Variants in CHD9 observed in about 807,000 individuals in gnomAD.
The protein encoded by CHD9 is ATP-dependent chromatin remodeler CHD9.
In CHD9, 77 loss-of-function variants were observed where a neutral mutation model predicts 316.1. That is an observed-to-expected ratio of 0.24 (90% CI 0.20 to 0.29). The LOEUF (loss-of-function observed/expected upper bound fraction) is 0.29. Ranked by LOEUF, CHD9 falls within the 10% of genes least tolerant of loss-of-function variation. The pLI, the probability that CHD9 is intolerant of heterozygous loss-of-function variation, is 1.00. For missense variants in CHD9, 2,763 were observed against 3,438.1 expected, an observed-to-expected ratio of 0.80 and a Z score of 4.91; for synonymous variants, 1,129 against 1,158.3, an observed-to-expected ratio of 0.97 and a Z score of 0.51.
At chr16:53,164,883 G>C (rs1244258381) in intron 2 of CHD9, among the ~76,000 whole-genome samples, 2 of 152,076 alleles carry the variant, frequency 1.3e-5, no homozygotes, top group African/African-American at 4.8e-5. Flanking sequence ...TCGAACTTCT[G>C]ACCTCAAGTG....
intron 1 of CHD9, among the ~76,000 whole-genome samples, chr16:53,112,199 C>A (rs2037919585): frequency 1.3e-5 from 2 of 152,204 alleles, no homozygotes; most frequent in African/African-American, 4.8e-5. Flanking sequence ...CTCTTATCTA[C>A]TGAAGATTCC....
intron 1 of CHD9, among the ~76,000 whole-genome samples, chr16:53,055,563 G>T (rs1480233911): frequency 6.7e-6 from 1 of 148,806 alleles, no homozygotes; most frequent in African/African-American, 2.4e-5. Context: ...TAAAATGTTT[G>T]CAAGAGATTC....
chr16:53,126,693 T>A (rs1776541812), intron 1 of CHD9, among the ~76,000 whole-genome samples: 1 of 151,926 alleles, frequency 6.6e-6, no homozygotes, highest in Non-Finnish European at 1.5e-5. Context: ...TTCCTTTTCT[T>A]TCTCTGATGG....
At chr16:53,300,544 A>C (rs1037528567) in intron 30 of CHD9, among the ~76,000 whole-genome samples, 12 of 152,202 alleles carry the variant, frequency 7.9e-5, no homozygotes, top group Admixed American at 6.5e-4. Flanking sequence ...TCAGGCTAGA[A>C]GGTGGCATGG....
At chr16:53,250,691 T>C (rs1018751537) in intron 17 of CHD9, 2 of 152,120 alleles carry the variant, frequency 1.3e-5, no homozygotes, top group Non-Finnish European at 1.5e-5. Context: ...CATAGAAATA[T>C]AGGAATATTA....
intron 1 of CHD9, among the ~76,000 whole-genome samples, chr16:53,097,982 T>C (rs532535633): frequency 6.6e-6 from 1 of 150,960 alleles, no homozygotes; most frequent in Non-Finnish European, 1.5e-5. Flanking sequence ...TAGCCAGGTG[T>C]GGTGGCAGGT....
chr16:53,185,971 G>C (rs1454531013), intron 2 of CHD9, among the ~76,000 whole-genome samples: 1 of 152,242 alleles, frequency 6.6e-6, no homozygotes, highest in Non-Finnish European at 1.5e-5. Flanking sequence ...AGCCCTCATG[G>C]AGAACCTCTG....
chr16:53,138,199 T>A (rs193054532), intron 1 of CHD9, among the ~76,000 whole-genome samples: 78 of 152,336 alleles, frequency 5.1e-4, no homozygotes, highest in Admixed American at 1.5e-3. Flanking sequence ...AGAAGGGCAC[T>A]AAGAGGCTAA....
At chr16:53,068,525 C>A (rs548173875) in intron 1 of CHD9, among the ~76,000 whole-genome samples, 1 of 152,296 alleles carries the variant, frequency 6.6e-6, no homozygotes, top group East Asian at 1.9e-4. Context: ...TTCTCTCAAA[C>A]CCACCTTAAG....
intron 2 of CHD9, among the ~76,000 whole-genome samples, chr16:53,202,686 G>C (rs2045566497): frequency 6.6e-6 from 1 of 151,882 alleles, no homozygotes; most frequent in African/African-American, 2.4e-5. Context: ...TCTACTGTTT[G>C]CCTGGACTTT....
intron 1 of CHD9, among the ~76,000 whole-genome samples, chr16:53,124,927 C>T (rs960586237): frequency 1.3e-5 from 2 of 152,168 alleles, no homozygotes; most frequent in Non-Finnish European, 2.9e-5. Flanking sequence ...CCATATCACA[C>T]TTACTATTGT....
chr16:53,283,705 C>T (rs968956889), intron 24 of CHD9, among the ~76,000 whole-genome samples: 3 of 152,002 alleles, frequency 2.0e-5, no homozygotes, highest in Non-Finnish European at 4.4e-5. Flanking sequence ...TCTTTTTTAA[C>T]TTTTTCCATA....
chr16:53,114,589 A>G (rs746359149), intron 1 of CHD9, among the ~76,000 whole-genome samples: 2 of 145,422 alleles, frequency 1.4e-5, no homozygotes, highest in Non-Finnish European at 3.0e-5. Flanking sequence ...TTATTTATTT[A>G]TTTATTTTTA....
chr16:53,121,099 TA>T (rs1388735766), intron 1 of CHD9, among the ~76,000 whole-genome samples: 3 of 152,216 alleles, frequency 2.0e-5, no homozygotes, highest in Non-Finnish European at 4.4e-5. Context: ...TTAATAAATA[TA>T]ATTAATTACT....
intron 20 of CHD9, among the ~76,000 whole-genome samples, chr16:53,266,373 T>A (rs183247864): frequency 1.9e-4 from 29 of 152,282 alleles, no homozygotes; most frequent in Middle Eastern, 3.4e-3. Context: ...CCTTCTCTCC[T>A]ACCATTTGTC....
chr16:53,324,203 G>A lies in CHD9; in HGVS notation c.8002G>A (p.Asp2668Asn). 1 of 1,613,948 alleles carries A rather than the reference G, an allele frequency of 6.2e-7. No individual in the cohort carries two copies. Among genetic ancestry groups the A allele is most frequent in the Non-Finnish European group, 8.5e-7 (1 of 1,179,856 alleles). ...LLANGLLPGV[D>N]LTTLQALQQN... ...AGCCAATGGACTACTTCCAGGTGTGGATCTCACAACTCTTCAGGCCTTACA... is the reference window on the plus strand; with the variant it reads ...AGCCAATGGACTACTTCCAGGTGTGAATCTCACAACTCTTCAGGCCTTACA... The change falls in exon 39 of 39, where the codon GAT becomes AAT. Residue 2668 changes from aspartate (D) to asparagine (N), a missense_variant. By Grantham distance (23) the Asp-to-Asn change is conservative (BLOSUM62 1). This residue lies in a region of CHD9 where 298 missense variants were observed against 380.2 expected (regional missense o/e 0.78). Coordinates refer to ENST00000447540, the MANE Select transcript of CHD9 (RefSeq NM_001308319.2).
chr16:53,094,929 G>C (rs564291676), intron 1 of CHD9, among the ~76,000 whole-genome samples: 1 of 152,284 alleles, frequency 6.6e-6, no homozygotes, highest in African/African-American at 2.4e-5. Flanking sequence ...GTGAGCCACC[G>C]CGCCCGGCCT....
intron 2 of CHD9, among the ~76,000 whole-genome samples, chr16:53,173,423 A>G (rs1461196539): frequency 6.6e-6 from 1 of 152,070 alleles, no homozygotes; most frequent in African/African-American, 2.4e-5. Flanking sequence ...CCTAATAAGT[A>G]TGGCTATAGG....
In CHD9 at chr16:53,321,518, AT is replaced by A; in HGVS notation, c.7714-5del. 1 of 1,531,728 alleles carries A rather than the reference AT, an allele frequency of 6.5e-7. No homozygotes were observed. Among genetic ancestry groups the A allele is most frequent in the South Asian group, 1.3e-5 (1 of 79,858 alleles). 94.9% of individuals were successfully genotyped at this position (1,531,728 alleles called of 1,614,324 possible). On this transcript the variant is annotated splice_polypyrimidine_tract_variant and splice_region_variant and intron_variant, in intron 37 of 38. Coordinates refer to ENST00000447540, the MANE Select transcript of CHD9 (RefSeq NM_001308319.2). ...TGTTGTAGTATTTAATCTGTTTCTA[AT>A]TTACAGGTTGGAGGTGCATTTGCTC... is the stretch of plus-strand genomic sequence containing the variant.
Sources: allele counts gnomAD v4.1 joint callset (sites outside exome capture counted in the v4.1 genomes callset), GRCh38; gene constraint gnomAD v4.1.1; regional missense constraint gnomAD v4.1.1; transcripts MANE v1.5; gene names NCBI Gene and HGNC (gene_info 2026-07-23, HGNC 2026-07-21).